ARRDC2: variants seen among roughly 807,000 people sequenced by gnomAD.
ARRDC2 encodes arrestin domain-containing protein 2.
Under a neutral mutation model 38.9 loss-of-function variants are expected in ARRDC2, and 39 were observed. The observed-to-expected ratio is 1.00, with a 90% CI of 0.78 to 1.31. ARRDC2 has a LOEUF of 1.31. Among genes scored for constraint, ARRDC2 ranks in the 50% most tolerant of loss-of-function variants. ARRDC2 has a pLI of 0.00. For synonymous variants in ARRDC2, 300 were observed against 261.9 expected (o/e 1.15, Z -1.41); for missense variants, 553 against 588.4 (o/e 0.94, Z 0.62).
intron 2 of ARRDC2, 93 bp from the exon 3 acceptor site, chr19:18,008,877 TC>T: frequency 1.3e-6 from 2 of 1,592,252 alleles, no homozygotes; most frequent in East Asian, 2.2e-5. Context: ...CCCAAGACTC[TC>T]CCCCTGGGAG....
upstream of ARRDC2, chr19:18,008,116 A>AGCCCCCCC: frequency 3.3e-5 from 17 of 522,490 alleles, no homozygotes; most frequent in Non-Finnish European, 4.9e-5. Context: ...AGAGACGGTG[A>AGCCCCCCC]CCCCACCCCC....
intron 7 of ARRDC2, 46 bp downstream of exon 7, chr19:18,010,775 G>A (rs2033396475): frequency 1.3e-6 from 2 of 1,593,086 alleles, no homozygotes; most frequent in Non-Finnish European, 1.7e-6. Flanking sequence ...CTGGGCCCTG[G>A]GAGCCTTGAT....
chr19:18,012,329 G>C (rs2033431396), intron 7 of ARRDC2, among the ~76,000 whole-genome samples: 1 of 151,194 alleles, frequency 6.6e-6, no homozygotes, highest in Non-Finnish European at 1.5e-5. Flanking sequence ...GCTCATGCCT[G>C]TAATCCCAGC....
chr19:18,008,132 C>CCCCCCCCCAAAAAAAA, upstream of ARRDC2: 9 of 1,268,362 alleles, frequency 7.1e-6, no homozygotes, highest in Non-Finnish European at 8.1e-6. Flanking sequence ...CCCCCCCCCG[C>CCCCCCCCCAAAAAAAA]CCTGCCGTAT....
At chr19:18,011,692 C>T (rs1374974669) in intron 7 of ARRDC2, among the ~76,000 whole-genome samples, 11 of 151,656 alleles carry the variant, frequency 7.3e-5, no homozygotes, top group African/African-American at 2.7e-4. Flanking sequence ...ATAGCAAGAC[C>T]CCCATCTCTA....
Position 18,008,347 on chromosome 19 carries a change from T to C in ARRDC2, c.37T>C (p.Leu13=), listed in dbSNP as rs1223878673. Residue 13 remains leucine, a synonymous_variant, in exon 1 of 8, where the codon TTG becomes CTG. Transcript: ENST00000222250. Reference sequence around the variant, plus strand: ...CAAGGTGAAAGCGTTCTCGGTGCAGTTGGACGGCGCGACCGCGGGCGTCGA... The same window carrying C: ...CAAGGTGAAAGCGTTCTCGGTGCAGCTGGACGGCGCGACCGCGGGCGTCGA... The part of the protein sequence containing the change: ...FDKVKAFSVQ[L]DGATAGVEPV... 2 of 1,597,096 alleles carry C rather than the reference T, an allele frequency of 1.3e-6. No individual in the cohort carries two copies. Among genetic ancestry groups the C allele is most frequent in the South Asian group, 1.1e-5 (1 of 91,028 alleles).
At chr19:18,010,148 G>A in intron 5 of ARRDC2, 48 bp from the exon 6 acceptor site, 2 of 1,607,410 alleles carry the variant, frequency 1.2e-6, no homozygotes, top group Non-Finnish European at 1.7e-6. Context: ...GGGAGGTGGG[G>A]GTTGGGGAGG....
At position 18,013,053 on chromosome 19, in the gene ARRDC2, C is replaced by G; in HGVS notation, c.*87C>G. 7.1e-7 allele frequency: 1 copy of G among 1,405,888 alleles called. No individual in the cohort carries two copies. 87.1% of individuals were successfully genotyped at this position (1,405,888 alleles called of 1,614,324 possible). A position where few individuals can be genotyped will look rare whatever the true frequency, so the allele number is the denominator to read the frequency against. On this transcript the variant is annotated 3_prime_UTR_variant, in exon 8 of 8. Transcript: ENST00000222250. ...GGGAGTGGCTGGACCAAGGGCTGAC[C>G]TCCCCGACTGCATCAAAGTTGGGGA...
At chr19:18,008,906 G>A in intron 2 of ARRDC2, 65 bp from the exon 3 acceptor site, 1 of 1,604,478 alleles carries the variant, frequency 6.2e-7, no homozygotes, top group Non-Finnish European at 8.5e-7. Flanking sequence ...GAGTGTCTGT[G>A]TCTCCTTCTC....
At chr19:18,003,602 A>G (rs1253046565), upstream of ARRDC2, among the ~76,000 whole-genome samples, 1 of 151,556 alleles carries the variant, frequency 6.6e-6, no homozygotes, top group Non-Finnish European at 1.5e-5. Context: ...CTGGGATTAT[A>G]GGTGCCCGCC....
rs2146003035 is a variant in ARRDC2, at chr19:18,008,721, G to A, written c.285G>A (p.Glu95=). The A allele has an allele frequency of 1.2e-6, 2 of 1,613,344 alleles. No homozygotes were observed. The highest frequency in any genetic ancestry group is 4.5e-5 in the East Asian group (2 of 44,858). The change falls in exon 2 of 8, where the codon GAG becomes GAA. Residue 95 remains glutamate, a synonymous_variant. Transcript: ENST00000222250. ...RATLLAPDTG[E]TTTLPPGRHE... ...TTCTCCTACCTGCAGATACCGGGGA[G>A]ACCACGACGCTGCCTCCTGGGCGCC...
At chr19:18,007,884 C>T (rs2033310697), upstream of ARRDC2, 1 of 267,108 alleles carries the variant, frequency 3.7e-6, no homozygotes, top group African/African-American at 2.4e-5. Flanking sequence ...TGCTAGGTGA[C>T]CTCAGGCCTG....
Position 18,010,686 on chromosome 19 carries a change from A to G in ARRDC2, c.1127A>G (p.Tyr376Cys). 1.2e-6 allele frequency: 2 copies of G among 1,613,856 alleles called. No homozygotes were observed. The highest frequency in any genetic ancestry group is 1.7e-6 in the Non-Finnish European group (2 of 1,180,016). ...AGCCTTGAAGGCCCGTTCTTCGCCTACATCCAAGAGTTCCGCTACCGCCCG... is the reference window on the plus strand; with the variant it reads ...AGCCTTGAAGGCCCGTTCTTCGCCTGCATCCAAGAGTTCCGCTACCGCCCG... ...DMSLEGPFFA[Y>C]IQEFRYRPPP... Residue 376 changes from tyrosine (Y) to cysteine (C), a missense_variant, in exon 7 of 8, where the codon TAC (tyrosine) becomes TGC (cysteine). Transcript: ENST00000222250.
At chr19:18,012,840 C>T in intron 7 of ARRDC2, 73 bp from the exon 8 acceptor site, 1 of 1,496,912 alleles carries the variant, frequency 6.7e-7, no homozygotes, top group Non-Finnish European at 9.3e-7. Context: ...TGGGAGATGG[C>T]TAGATGGGGA....
At chr19:18,008,115 G>GGGGGCCC, upstream of ARRDC2, 2 of 810,032 alleles carry the variant, frequency 2.5e-6, no homozygotes, top group Non-Finnish European at 3.4e-6. Flanking sequence ...AAGAGACGGT[G>GGGGGCCC]ACCCCACCCC....
intron 4 of ARRDC2, 29 bp from the exon 5 acceptor site, chr19:18,009,754 A>T: frequency 6.2e-7 from 1 of 1,612,744 alleles, no homozygotes; most frequent in African/African-American, 1.3e-5. Flanking sequence ...CAGGAGGGGA[A>T]ACTGAGGCCC....
upstream of ARRDC2, chr19:18,007,980 T>C (rs2033313101): frequency 2.0e-6 from 1 of 495,942 alleles, no homozygotes; most frequent in Non-Finnish European, 3.3e-6. Flanking sequence ...CTTCAGTTTC[T>C]CCCCGGGGTC....
At chr19:18,011,530 G>C (rs1283549976) in intron 7 of ARRDC2, among the ~76,000 whole-genome samples, 1 of 152,170 alleles carries the variant, frequency 6.6e-6, no homozygotes, top group Non-Finnish European at 1.5e-5. Context: ...ACATGGGTCA[G>C]AGACATTTGA....
upstream of ARRDC2, among the ~76,000 whole-genome samples, chr19:18,003,431 TAAC>T (rs1568464932): frequency 1.6e-4 from 22 of 139,884 alleles, no homozygotes; most frequent in African/African-American, 6.5e-4. Context: ...CACACCCGGC[TAAC>T]TTTTTGTTTT....
Sources: gnomAD v4.1 joint callset for allele counts (sites outside exome capture counted in the v4.1 genomes callset) on GRCh38, gnomAD v4.1.1 for gene constraint, MANE v1.5 for transcripts, NCBI Gene and HGNC (gene_info 2026-07-23, HGNC 2026-07-21) for gene names.